Variants in FAT1 observed in about 807,000 individuals in gnomAD.
FAT1 encodes protocadherin Fat 1.
In FAT1, 171 loss-of-function variants were observed where a neutral mutation model predicts 329.8. That is an observed-to-expected ratio of 0.52 (90% CI 0.46 to 0.59). The LOEUF (loss-of-function observed/expected upper bound fraction) is 0.59. Ranked by LOEUF, FAT1 falls within the 20% of genes least tolerant of loss-of-function variation. The pLI is 0.00. For missense variants in FAT1, 5,672 were observed against 5,774.4 expected (o/e 0.98, Z 0.57); for synonymous variants, 2,233 against 2,228.6 (o/e 1.00, Z -0.06).
At chr4:186,682,526 C>CAAAAAAGAAAAAAAAAAAA (rs1743268684) in intron 2 of FAT1, among the ~76,000 whole-genome samples, 1 of 119,706 alleles carries the variant, frequency 8.4e-6, no homozygotes, top group Non-Finnish European at 1.6e-5. Flanking sequence ...GACTCTGTCT[C>CAAAAAAGAAAAAAAAAAAA]AAAAAAAAAA....
intron 3 of FAT1, among the ~76,000 whole-genome samples, chr4:186,644,250 T>A (rs1445421282): frequency 6.6e-6 from 1 of 152,202 alleles, no homozygotes; most frequent in East Asian, 1.9e-4. Context: ...AAACCAGGAA[T>A]GACTCATCAT....
chr4:186,674,767 TTCACACCTGTAATC>T (rs1231971717), intron 2 of FAT1, among the ~76,000 whole-genome samples: 3 of 152,212 alleles, frequency 2.0e-5, no homozygotes, highest in Admixed American at 1.3e-4. Flanking sequence ...GGTACAGTGG[TTCACACCTGTAATC>T]CCAACACTTT....
Position 186,603,595 on chromosome 4 carries a change from G to T in FAT1, c.10931C>A (p.Ala3644Glu). The change falls in exon 19 of 27, where the codon GCG (alanine) becomes GAG (glutamate). Residue 3644 changes from alanine (A) to glutamate (E), a missense_variant. Physicochemically the swap from Ala to Glu is moderately radical, Grantham distance 107. Coordinates refer to ENST00000441802, the MANE Select transcript of FAT1 (RefSeq NM_005245.4). ...CGGAGTGAGGTTGGCAAAGCGGATC[G>T]CGATGGTGTGGTTCAACATCTCCTG... ...VTQEMLNHTIAIRFANLTPEE... is the reference protein window; with the variant it reads ...VTQEMLNHTIEIRFANLTPEE... The T allele has an allele frequency of 6.2e-7, 1 of 1,613,864 alleles. No homozygotes were observed. Among genetic ancestry groups the T allele is most frequent in the East Asian group, 2.2e-5 (1 of 44,892 alleles).
rs772191021 is a variant in FAT1 at position 186,663,545 on chromosome 4, T to C, written c.3334A>G (p.Thr1112Ala). The change falls in exon 3 of 27, where the codon ACC becomes GCC. Residue 1112 changes from threonine to alanine, a missense_variant. Thr to Ala is a moderately conservative substitution (Grantham distance 58). This residue lies in a region of FAT1 where 3,966 missense variants were observed against 3,915.2 expected (regional missense o/e 1.01). Transcript: ENST00000441802. ...TSHYWLTVFA[T>A]DQGVVPLSSF... ...GAAAGAGGCACGACACCCTGATCGG[T>C]TGCAAAGACTGTTAGCCAATAATGG... is the stretch of plus-strand genomic sequence containing the variant. 3 of 1,613,574 alleles carry C rather than the reference T, an allele frequency of 1.9e-6. No individual in the cohort carries two copies. The highest frequency in any genetic ancestry group is 2.2e-5 in the East Asian group (1 of 44,892).
At chr4:186,650,371 A>G (rs1741580967) in intron 3 of FAT1, among the ~76,000 whole-genome samples, 1 of 152,200 alleles carries the variant, frequency 6.6e-6, no homozygotes, top group South Asian at 2.1e-4. Flanking sequence ...TAGTAACTCT[A>G]TTAATAATTA....
Position 186,709,519 on chromosome 4 carries a change from T to A in FAT1, c.309A>T (p.Gly103=). ...FCFLRIRTKG[G]NTAILNREVK... is the part of the protein sequence containing the mutation. ...CTTCTCTATTAAGAATAGCTGTATT[T>A]CCTCCTTTGGTCCTTATTCTTAGAA... The change falls in exon 2 of 27, where the codon GGA becomes GGT. Residue 103 remains glycine, a synonymous_variant. Transcript: ENST00000441802. 6.2e-7 allele frequency: 1 copy of A among 1,614,006 alleles called. No individual in the cohort carries two copies. The highest frequency in any genetic ancestry group is 8.5e-7 in the Non-Finnish European group (1 of 1,179,892).
chr4:186,590,980 C>T (rs1051986383), intron 26 of FAT1, among the ~76,000 whole-genome samples: 8 of 152,236 alleles, frequency 5.3e-5, no homozygotes, highest in South Asian at 2.1e-4. Context: ...AAAGAGACCA[C>T]GGCTACACTT....
chr4:186,618,131 C>T lies in FAT1; in HGVS notation c.8455G>A (p.Val2819Ile), dbSNP rs1478065248. 1.2e-6 allele frequency: 2 copies of T among 1,614,024 alleles called. No individual in the cohort carries two copies. Among genetic ancestry groups the T allele is most frequent in the Non-Finnish European group, 1.7e-6 (2 of 1,179,892 alleles). ...CTACTTCCCCCTGGCAGGTTTTCAA[C>T]AATGAATGCCTCATATGGACTAGAT... ...FESSPYEAFI[V>I]ENLPGGSRVI... Residue 2819 changes from valine (V) to isoleucine (I), a missense_variant, in exon 10 of 27, where the codon GTT becomes ATT. Val to Ile is a conservative substitution (Grantham distance 29). Transcript: ENST00000441802.
chr4:186,618,262 T>A lies in FAT1; in HGVS notation c.8324A>T (p.Gln2775Leu), dbSNP rs780028172. ...AGTGCACCTGGCCAGTATGGAAAAC[T>A]GATACCACTTAGTTGTCTCATGATC... The part of the protein sequence containing the change: ...SLDHETTKWY[Q>L]FSILARCTQD... Residue 2775 changes from glutamine to leucine, a missense_variant, in exon 10 of 27, where the codon CAG becomes CTG. Gln to Leu is a moderately radical substitution (Grantham distance 113). Transcript: ENST00000441802. 1 of 1,613,936 alleles carries A rather than the reference T, an allele frequency of 6.2e-7. No individual in the cohort carries two copies. The highest frequency in any genetic ancestry group is 1.7e-5 in the Admixed American group (1 of 60,014).
chr4:186,609,237 T>G lies in FAT1; in HGVS notation c.10152A>C (p.Thr3384=). Residue 3384 remains threonine, a synonymous_variant, in exon 16 of 27, where the codon ACA becomes ACC. Transcript: ENST00000441802. ...IIDGNQGSSF[T]IDPVRGEVKV... ...TGACTTCTCCCCTGACGGGGTCAAT[T>G]GTGAACGAGCTTCCTTGGTTGCCAT... 1 of 1,614,062 alleles carries G rather than the reference T, an allele frequency of 6.2e-7. No individual in the cohort carries two copies. Among genetic ancestry groups the G allele is most frequent in the South Asian group, 1.1e-5 (1 of 91,082 alleles).
intron 11 of FAT1, among the ~76,000 whole-genome samples, chr4:186,616,474 T>A (rs548124888): frequency 1.6e-4 from 24 of 151,988 alleles, no homozygotes; most frequent in African/African-American, 5.8e-4. Context: ...CTTCTCACCC[T>A]CTGGCCCCAG....
intron 9 of FAT1, among the ~76,000 whole-genome samples, chr4:186,624,434 G>A (rs1360479402): frequency 6.6e-6 from 1 of 152,136 alleles, no homozygotes; most frequent in Non-Finnish European, 1.5e-5. Context: ...GTTTGGGGAG[G>A]AAAACCAATT....
At chr4:186,600,417 C>G (rs2126415936) in intron 21 of FAT1, 57 bp from the exon 22 acceptor site, 1 of 1,423,426 alleles carries the variant, frequency 7.0e-7, no homozygotes, top group Non-Finnish European at 9.6e-7. Flanking sequence ...AATGAGAGCA[C>G]CTGATCACAA....
chr4:186,669,481 C>T (rs748960851), intron 2 of FAT1, among the ~76,000 whole-genome samples: 2 of 152,266 alleles, frequency 1.3e-5, no homozygotes, highest in East Asian at 1.9e-4. Context: ...TGAAGCATTA[C>T]GGAAGGAATG....
At chr4:186,700,877 C>T (rs1744275266) in intron 2 of FAT1, among the ~76,000 whole-genome samples, 2 of 152,178 alleles carry the variant, frequency 1.3e-5, no homozygotes, top group South Asian at 4.1e-4. Context: ...TGGTGCTCAC[C>T]ACCAGTGTCA....
At chr4:186,689,709 C>T (rs1343006708) in intron 2 of FAT1, among the ~76,000 whole-genome samples, 1 of 152,162 alleles carries the variant, frequency 6.6e-6, no homozygotes, top group African/African-American at 2.4e-5. Context: ...GTATCTGGCA[C>T]CCACCCACAC....
At chr4:186,697,973 C>G (rs986422339) in intron 2 of FAT1, among the ~76,000 whole-genome samples, 8 of 152,206 alleles carry the variant, frequency 5.3e-5, no homozygotes, top group African/African-American at 1.9e-4. Flanking sequence ...CAGCTTTCCA[C>G]AGATTCTCAA....
rs139279289 is a variant in FAT1 at position 186,651,684 on chromosome 4, G to A, written c.3580+11615C>T. On this transcript the variant is annotated intron_variant, in intron 3 of 26. Transcript: ENST00000441802. Reference sequence around the variant, plus strand: ...TAGTCCACCGGCAGGGAGGCGTCACGTCCTCCGCTTCTGCAAAACACAGAT... The same window carrying A: ...TAGTCCACCGGCAGGGAGGCGTCACATCCTCCGCTTCTGCAAAACACAGAT... Among the ~76,000 whole-genome samples, 1,010 of 152,228 alleles carry A rather than the reference G, an allele frequency of 6.6e-3. 9 individuals are homozygous for A. The highest frequency in any genetic ancestry group is 0.023 in the African/African-American group (958 of 41,530).
rs1015086793 is a variant in FAT1 at position 186,598,163 on chromosome 4, C to T, written c.12104-38G>A. The stretch of plus-strand genomic sequence containing the variant: ...AAAGGAACAAAAAAGTCCTATCACT[C>T]AATGACTCAGAAACCTGGTCTTAAT... On this transcript the variant is annotated intron_variant, in intron 22 of 26. Transcript: ENST00000441802. The T allele has an allele frequency of 7.7e-6, 12 of 1,558,940 alleles. No individual in the cohort carries two copies. In the Admixed American group the frequency reaches 7.9e-5, roughly 10 times the overall value.
Sources: gnomAD v4.1 joint callset for allele counts (sites outside exome capture counted in the v4.1 genomes callset) on GRCh38, gnomAD v4.1.1 for gene constraint, gnomAD v4.1.1 regional missense constraint, MANE v1.5 for transcripts, NCBI Gene and HGNC (gene_info 2026-07-23, HGNC 2026-07-21) for gene names.